The following CEP162 variants were observed in gnomAD, a reference collection of about 807,000 sequenced individuals.
CEP162 encodes centrosomal protein 162.
CEP162 carries 141 observed loss-of-function variants against 169.2 expected under a neutral mutation model. The observed-to-expected ratio is 0.83, with a 90% CI of 0.73 to 0.96. The LOEUF (loss-of-function observed/expected upper bound fraction) is 0.96. Ranked by LOEUF, CEP162 falls within the 40% of genes least tolerant of loss-of-function variation. The pLI is 0.00. For synonymous variants in CEP162, 540 were observed against 526.4 expected (o/e 1.03, Z -0.35); for missense variants, 1,600 against 1,587.2 (o/e 1.01, Z -0.14).
intron 25 of CEP162, among the ~76,000 whole-genome samples, chr6:84,143,348 G>A (rs2099517470): frequency 6.6e-6 from 1 of 151,930 alleles, no homozygotes; most frequent in Non-Finnish European, 1.5e-5. Flanking sequence ...GGTCATGGCT[G>A]CTTTGTAGTT....
intron 13 of CEP162, among the ~76,000 whole-genome samples, chr6:84,179,943 G>C (rs986378744): frequency 2.0e-5 from 3 of 152,086 alleles, no homozygotes; most frequent in Non-Finnish European, 2.9e-5. Flanking sequence ...CATTCCTTCT[G>C]AAACTATTCC....
chr6:84,195,301 T>G (rs781718157), intron 9 of CEP162, among the ~76,000 whole-genome samples: 5 of 152,204 alleles, frequency 3.3e-5, no homozygotes, highest in African/African-American at 4.8e-5. Context: ...CTGCTTTCAC[T>G]CGTCATTGTT....
Position 84,149,520 on chromosome 6 carries a change from G to T in CEP162, c.3771+42C>A. On this transcript the variant is annotated intron_variant, in intron 24 of 26. Transcript: ENST00000403245. The stretch of plus-strand genomic sequence containing the variant: ...ACTTTAATCTCATTAAAGTCAAAAC[G>T]AGTTTATTCAAGTCAAAAGATAAAA... The T allele has an allele frequency of 2.0e-6, 3 of 1,470,808 alleles. No individual in the cohort carries two copies. In the South Asian group the frequency reaches 4.4e-5, roughly 21 times the overall value. 91.1% of individuals were successfully genotyped at this position (1,470,808 alleles called of 1,614,324 possible).
rs1246463521 is a variant in CEP162 at position 84,215,877 on chromosome 6, G to A, written c.218C>T (p.Ser73Phe). The A allele has an allele frequency of 6.3e-7, 1 of 1,579,136 alleles. No individual in the cohort carries two copies. Among genetic ancestry groups the A allele is most frequent in the Non-Finnish European group, 8.6e-7 (1 of 1,160,984 alleles). ...NVSYLKTKKTSQPVMEIEEES... is the reference protein window; with the variant it reads ...NVSYLKTKKTFQPVMEIEEES... ...CTCTTCTATTTCCATAACAGGCTGA[G>A]AAGTCTTCTTTGTTTTCAAATAGCT... The change falls in exon 4 of 27, where the codon TCT (serine) becomes TTT (phenylalanine). Residue 73 changes from serine to phenylalanine, a missense_variant. By Grantham distance (155) the Ser-to-Phe change is radical. Transcript: ENST00000403245.
Position 84,124,719 on chromosome 6 carries a change from G to A in CEP162, c.*351C>T. The A allele has an allele frequency of 3.5e-6, 1 of 283,456 alleles. No individual in the cohort carries two copies. Among genetic ancestry groups the A allele is most frequent in the Non-Finnish European group, 6.6e-6 (1 of 151,406 alleles). 17.6% of individuals were successfully genotyped at this position (283,456 alleles called of 1,614,324 possible). On this transcript the variant is annotated 3_prime_UTR_variant, in exon 27 of 27. Coordinates refer to ENST00000403245, the MANE Select transcript of CEP162 (RefSeq NM_014895.4). ...GTTACAACAAGCACATGTACCCCCT[G>A]GATCTAAAATAAAAATTTTAAAAAC...
At chr6:84,176,849 T>C (rs928979193) in intron 13 of CEP162, among the ~76,000 whole-genome samples, 1 of 152,134 alleles carries the variant, frequency 6.6e-6, no homozygotes, top group African/African-American at 2.4e-5. Flanking sequence ...TTCTTAATTT[T>C]GACTTCTCAG....
chr6:84,154,504 C>G (rs1187109710), intron 22 of CEP162, among the ~76,000 whole-genome samples: 2 of 151,992 alleles, frequency 1.3e-5, no homozygotes, highest in Non-Finnish European at 2.9e-5. Context: ...TCTACTGTTT[C>G]TGGAATCTAA....
intron 25 of CEP162, among the ~76,000 whole-genome samples, chr6:84,134,837 AATTAT>A (rs56851964): frequency 0.015 from 2,253 of 152,136 alleles, 46 homozygotes; most frequent in African/African-American, 0.05. Context: ...TTTGATAAAT[AATTAT>A]ATTATAATGC....
At chr6:84,208,968 G>C (rs1354057047) in intron 6 of CEP162, among the ~76,000 whole-genome samples, 1 of 152,220 alleles carries the variant, frequency 6.6e-6, no homozygotes, top group Admixed American at 6.5e-5. Flanking sequence ...GATGAACAAG[G>C]AAAGAGGAGA....
At position 84,207,504 on chromosome 6, in the gene CEP162, G is replaced by A. The variant is rs150344865; in HGVS notation, c.572-3408C>T. On this transcript the variant is annotated intron_variant, in intron 6 of 26. Transcript: ENST00000403245. Reference sequence around the variant, plus strand: ...ACACCGCATGTTCTCACTTATAGGTGGGGATTGAACAATGAGAACACTTGG... The same window carrying A: ...ACACCGCATGTTCTCACTTATAGGTAGGGATTGAACAATGAGAACACTTGG... Among the ~76,000 whole-genome samples, 685 of 148,266 alleles carry A rather than the reference G, an allele frequency of 4.6e-3. 8 individuals carry two copies. Among genetic ancestry groups the A allele is most frequent in the African/African-American group, 0.016 (652 of 40,380 alleles).
intron 6 of CEP162, among the ~76,000 whole-genome samples, chr6:84,206,296 A>G (rs2099546966): frequency 6.7e-6 from 1 of 150,110 alleles, no homozygotes; most frequent in Non-Finnish European, 1.5e-5. Flanking sequence ...AGCTGGAGGC[A>G]TCATGCTACC....
chr6:84,164,649 G>A (rs530605561), intron 18 of CEP162, among the ~76,000 whole-genome samples: 1 of 152,194 alleles, frequency 6.6e-6, no homozygotes, highest in East Asian at 1.9e-4. Flanking sequence ...TGAAGAATGA[G>A]AACACATGGA....
chr6:84,137,559 G>C (rs924049008), intron 25 of CEP162, among the ~76,000 whole-genome samples: 15 of 151,648 alleles, frequency 9.9e-5, no homozygotes, highest in Non-Finnish European at 2.1e-4. Context: ...CCCCACAAAT[G>C]AAAAAATCTG....
At chr6:84,185,543 TCAAATAATGTAGTTTGTAAAA>T in intron 12 of CEP162, 95 bp from the exon 13 acceptor site, 2 of 1,092,556 alleles carry the variant, frequency 1.8e-6, no homozygotes, top group Non-Finnish European at 2.6e-6. Context: ...ATAGTGATTA[TCAAATAATGTAGTTTGTAAAA>T]GGCAAACTAC....
chr6:84,199,610 T>C (rs886749753), intron 9 of CEP162, among the ~76,000 whole-genome samples: 4 of 151,460 alleles, frequency 2.6e-5, no homozygotes, highest in Non-Finnish European at 5.9e-5. Flanking sequence ...TAGTGATTTC[T>C]GAGTTGGTTA....
chr6:84,131,193 A>T (rs1370737718), intron 25 of CEP162, among the ~76,000 whole-genome samples: 1 of 152,136 alleles, frequency 6.6e-6, no homozygotes, highest in Admixed American at 6.5e-5. Context: ...CCTGAGTTCC[A>T]ATTTGACTGC....
At chr6:84,186,275 T>C (rs2099537097) in intron 12 of CEP162, 57 bp downstream of exon 12, 2 of 951,550 alleles carry the variant, frequency 2.1e-6, no homozygotes, top group South Asian at 3.2e-5. Flanking sequence ...AGTACTTATA[T>C]ACTTTACATA....
At chr6:84,173,592 C>T (rs1277813158) in intron 16 of CEP162, among the ~76,000 whole-genome samples, 1 of 152,114 alleles carries the variant, frequency 6.6e-6, no homozygotes, top group African/African-American at 2.4e-5. Context: ...TTTAATTCTC[C>T]TCATGAGAAA....
chr6:84,220,396 T>C (rs1369469657), intron 3 of CEP162, among the ~76,000 whole-genome samples: 2 of 151,836 alleles, frequency 1.3e-5, no homozygotes, highest in Non-Finnish European at 2.9e-5. Flanking sequence ...GAGGCCAAGG[T>C]GGGAGGACTG....
Sources: allele counts gnomAD v4.1 joint callset (sites outside exome capture counted in the v4.1 genomes callset), GRCh38; gene constraint gnomAD v4.1.1; transcripts MANE v1.5; gene names NCBI Gene and HGNC (gene_info 2026-07-23, HGNC 2026-07-21).